The following EHMT1 variants were observed in gnomAD, a reference collection of about 807,000 sequenced individuals.
EHMT1 encodes euchromatic histone lysine methyltransferase 1, also known as histone-lysine N-methyltransferase EHMT1.
Under a neutral mutation model 147.2 loss-of-function variants are expected in EHMT1, and 15 were observed. The observed-to-expected ratio is 0.10, with a 90% CI of 0.07 to 0.16. The LOEUF (loss-of-function observed/expected upper bound fraction) is 0.16. Among genes scored for constraint, EHMT1 ranks in the 10% least tolerant of loss-of-function variants. The pLI, the probability that EHMT1 is intolerant of heterozygous loss-of-function variation, is 1.00. For synonymous variants in EHMT1, 795 were observed against 709.6 expected, an observed-to-expected ratio of 1.12 and a Z score of -1.91; for missense variants, 1,587 against 1,772.4, an observed-to-expected ratio of 0.90 and a Z score of 1.88.
At chr9:137,646,431 G>T (rs1844888750) in intron 1 of EHMT1, 1 of 985,422 alleles carries the variant, frequency 1.0e-6, no homozygotes, top group Admixed American at 6.1e-5. Context: ...TGGACAATGG[G>T]CTGGAAAGTA....
chr9:137,831,188 G>A (rs1400873914), intron 25 of EHMT1, among the ~76,000 whole-genome samples: 1 of 152,156 alleles, frequency 6.6e-6, no homozygotes, highest in African/African-American at 2.4e-5. Context: ...GAGTCTGGTC[G>A]GGGGGCACAC....
intron 1 of EHMT1, among the ~76,000 whole-genome samples, chr9:137,621,372 G>T (rs1007351530): frequency 6.6e-6 from 1 of 152,064 alleles, no homozygotes; most frequent in African/African-American, 2.4e-5. Context: ...TCTTTTCCTT[G>T]ATTTACAAAG....
intron 25 of EHMT1, 84 bp from the exon 26 acceptor site, chr9:137,834,265 G>C: frequency 1.3e-6 from 2 of 1,557,756 alleles, no homozygotes; most frequent in Non-Finnish European, 1.7e-6. Flanking sequence ...CAGGCTCCGG[G>C]ACTGCCATGC....
chr9:137,673,361 G>C (rs1940897565), intron 1 of EHMT1, among the ~76,000 whole-genome samples: 1 of 152,162 alleles, frequency 6.6e-6, no homozygotes, highest in Admixed American at 6.5e-5. Context: ...TTGCTCTTCT[G>C]ATCTGAAAAA....
At chr9:137,633,351 T>G (rs1843749299) in intron 1 of EHMT1, among the ~76,000 whole-genome samples, 1 of 152,066 alleles carries the variant, frequency 6.6e-6, no homozygotes, top group South Asian at 2.1e-4. Context: ...ATCTACTGAT[T>G]AGAAGAACAG....
chr9:137,698,095 C>T (rs1278828094), intron 1 of EHMT1, among the ~76,000 whole-genome samples: 1 of 151,564 alleles, frequency 6.6e-6, no homozygotes, highest in Non-Finnish European at 1.5e-5. Context: ...CCCTGGCTTT[C>T]ACTCCAGCCT....
At chr9:137,757,238 C>A (rs1949444904) in intron 8 of EHMT1, among the ~76,000 whole-genome samples, 2 of 152,388 alleles carry the variant, frequency 1.3e-5, no homozygotes, top group South Asian at 4.1e-4. Context: ...TTGCACCCCC[C>A]ACTGCCCTCG....
rs565595127 is a variant in EHMT1, at chr9:137,795,343, A to C, written c.2506-3470A>C. Among the ~76,000 whole-genome samples, 11 of 151,852 alleles carry C rather than the reference A, an allele frequency of 7.2e-5. No homozygotes were observed. The South Asian group carries it at 2.3e-3, about 32-fold the overall frequency. On this transcript the variant is annotated intron_variant, in intron 16 of 26. Transcript: ENST00000460843. ...GTGAGCGAACAGAGCCTATCCTGGC[A>C]ACTCAGGTCACCTGGCAGGAAGCAG...
chr9:137,754,604 C>CT (rs1185506822), intron 8 of EHMT1, among the ~76,000 whole-genome samples: 1 of 152,040 alleles, frequency 6.6e-6, no homozygotes, highest in Non-Finnish European at 1.5e-5. Context: ...CTTCCACCTT[C>CT]TGGGCTCAGG....
chr9:137,834,419 A>T lies in EHMT1; in HGVS notation c.3611A>T (p.Glu1204Val), dbSNP rs759840211. 5.0e-6 allele frequency: 8 copies of T among 1,613,194 alleles called. No individual in the cohort carries two copies. In the East Asian group the frequency reaches 1.8e-4, roughly 36 times the overall value. Residue 1204 changes from glutamate to valine, a missense_variant, in exon 26 of 27, where the codon GAG becomes GTG. By Grantham distance (121) the Glu-to-Val change is moderately radical (BLOSUM62 -2). This residue lies in a region of EHMT1 where 141 missense variants were observed against 150.8 expected (regional missense o/e 0.94). Transcript: ENST00000460843. ...AGCCGGTTCATCAACCACCACTGCG[A>T]GCCCAACCTGGTGCCCGTGCGCGTG... ...NVSRFINHHCEPNLVPVRVFM... is the reference protein window; with the variant it reads ...NVSRFINHHCVPNLVPVRVFM...
rs35541714 is a variant in EHMT1 at position 137,675,802 on chromosome 9, T to TTTTTG, written c.22-35165_22-35164insTTTTG. Among the ~76,000 whole-genome samples, 32 of 104,732 alleles carry TTTTTG rather than the reference T, an allele frequency of 3.1e-4. 2 individuals are homozygous for TTTTTG. Among genetic ancestry groups the TTTTTG allele is most frequent in the African/African-American group, 1.1e-3 (27 of 23,810 alleles). 68.7% of individuals were successfully genotyped at this position (104,732 alleles called of 152,430 possible). Reference sequence around the variant, plus strand: ...TAATTTTTTTTTTTTTTTTTTTTTTTAGACGGAGTCTCGCTCTGTCGCCCA... The same window carrying TTTTTG: ...TAATTTTTTTTTTTTTTTTTTTTTTTTTTTGAGACGGAGTCTCGCTCTGTCGCCCA... On this transcript the variant is annotated intron_variant, in intron 1 of 26. Coordinates refer to ENST00000460843, the MANE Select transcript of EHMT1 (RefSeq NM_024757.5).
intron 1 of EHMT1, among the ~76,000 whole-genome samples, chr9:137,692,734 C>T (rs993557848): frequency 1.7e-4 from 26 of 152,206 alleles, no homozygotes; most frequent in Non-Finnish European, 2.8e-4. Flanking sequence ...GTGTGTCGGA[C>T]GGCAGTGAAC....
At chr9:137,803,996 G>C (rs1259078135) in intron 18 of EHMT1, among the ~76,000 whole-genome samples, 1 of 152,130 alleles carries the variant, frequency 6.6e-6, no homozygotes, top group Non-Finnish European at 1.5e-5. Flanking sequence ...CTTCAGCGTG[G>C]CTGGGGGGTC....
At chr9:137,689,918 G>A (rs182664987) in intron 1 of EHMT1, among the ~76,000 whole-genome samples, 1 of 152,216 alleles carries the variant, frequency 6.6e-6, no homozygotes, top group Non-Finnish European at 1.5e-5. Context: ...GCGTGGAGTA[G>A]ACGCGTGGAG....
intron 9 of EHMT1, among the ~76,000 whole-genome samples, chr9:137,761,495 C>CT (rs1246319669): frequency 1.3e-5 from 2 of 152,156 alleles, no homozygotes; most frequent in African/African-American, 4.8e-5. Context: ...CACTCTGTTG[C>CT]CAGACTGGAG....
intron 16 of EHMT1, among the ~76,000 whole-genome samples, 180 bp downstream of exon 16, chr9:137,791,150 G>A (rs1330321345): frequency 6.6e-6 from 1 of 152,156 alleles, no homozygotes; most frequent in Admixed American, 6.6e-5. Context: ...AAAACTACTA[G>A]TGAGTGCTCA....
intron 1 of EHMT1, among the ~76,000 whole-genome samples, chr9:137,681,668 C>T (rs1564580506): frequency 3.3e-5 from 5 of 152,128 alleles, no homozygotes; most frequent in Admixed American, 6.5e-5. Flanking sequence ...CACTTTCTCT[C>T]CTGTCTCCAG....
intron 2 of EHMT1, among the ~76,000 whole-genome samples, chr9:137,712,696 A>G (rs1440652750): frequency 6.6e-6 from 1 of 152,258 alleles, no homozygotes; most frequent in Admixed American, 6.5e-5. Flanking sequence ...GGGATTTGCA[A>G]ATATTTTCTT....
At chr9:137,700,113 C>T (rs1693108781) in intron 1 of EHMT1, among the ~76,000 whole-genome samples, 1 of 152,206 alleles carries the variant, frequency 6.6e-6, no homozygotes, top group Non-Finnish European at 1.5e-5. Flanking sequence ...AGGTCACTGG[C>T]ATGAATATAG....
Sources: allele counts gnomAD v4.1 joint callset (sites outside exome capture counted in the v4.1 genomes callset), GRCh38; gene constraint gnomAD v4.1.1; regional missense constraint gnomAD v4.1.1; transcripts MANE v1.5; gene names NCBI Gene and HGNC (gene_info 2026-07-23, HGNC 2026-07-21).